PHACTR3: variants seen among roughly 807,000 people sequenced by gnomAD.
The protein encoded by PHACTR3 is protein phosphatase 1, regulatory subunit 123.
Under a neutral mutation model 66.8 loss-of-function variants are expected in PHACTR3, and 16 were observed. The observed-to-expected ratio is 0.24, with a 90% CI of 0.16 to 0.36. PHACTR3 has a LOEUF of 0.36. PHACTR3 is among the 10% of genes least tolerant of loss of function. The pLI is 1.00. For missense variants in PHACTR3, 647 were observed against 719.9 expected, an observed-to-expected ratio of 0.90 and a Z score of 1.16; for synonymous variants, 323 against 292.1, an observed-to-expected ratio of 1.11 and a Z score of -1.08.
At chr20:59,781,512 C>T (rs559466158) in intron 7 of PHACTR3, among the ~76,000 whole-genome samples, 15 of 152,278 alleles carry the variant, frequency 9.9e-5, no homozygotes, top group African/African-American at 2.2e-4. Context: ...GTCCTGGGGG[C>T]GGATGAGACA....
At position 59,820,142 on chromosome 20, in the gene PHACTR3, T is replaced by A. The variant is rs1371843853; in HGVS notation, c.1328+13948T>A. 6.6e-6 allele frequency among the ~76,000 whole-genome samples: 1 copy of A among 152,208 alleles called. No individual in the cohort carries two copies. The highest frequency in any genetic ancestry group is 6.5e-5 in the Admixed American group (1 of 15,288). ...GAGCTCTTGGCGTGGCACCACCTCC[T>A]GCTTCACCACTGTGGTGAGGGGTCT... On this transcript the variant is annotated intron_variant, in intron 8 of 12. Transcript: ENST00000371015. This position sits in a 1 kb window ranked among gnomAD's most constrained non-coding sequence, Gnocchi z 4.6.
At chr20:59,585,019 T>TACA (rs1195732184) in intron 1 of PHACTR3, among the ~76,000 whole-genome samples, 10 of 152,002 alleles carry the variant, frequency 6.6e-5, no homozygotes, top group African/African-American at 2.4e-4. Flanking sequence ...CATATACATA[T>TACA]TAGGGGGAGT....
At chr20:59,675,056 CTCCTTT>C (rs1190915312) in intron 1 of PHACTR3, among the ~76,000 whole-genome samples, 2 of 122,388 alleles carry the variant, frequency 1.6e-5, no homozygotes, top group African/African-American at 6.6e-5. Context: ...CTCCCTGTTC[CTCCTTT>C]TCCCCCTCTC....
chr20:59,673,741 G>C (rs73140881), intron 1 of PHACTR3, among the ~76,000 whole-genome samples: 18,228 of 152,214 alleles, frequency 0.12, 1,418 homozygotes, highest in Non-Finnish European at 0.17. Context: ...GCCCTCGGCT[G>C]TCAGTGCCTC....
intron 11 of PHACTR3, 26 bp downstream of exon 11, chr20:59,841,561 G>C (rs758204316): frequency 3.7e-6 from 6 of 1,604,836 alleles, no homozygotes; most frequent in Non-Finnish European, 5.1e-6. Context: ...TGCTGGTGGG[G>C]GGTGTTGGAT....
At chr20:59,699,148 G>A (rs907511915) in intron 1 of PHACTR3, among the ~76,000 whole-genome samples, 9 of 152,160 alleles carry the variant, frequency 5.9e-5, no homozygotes, top group Non-Finnish European at 1.3e-4. Flanking sequence ...AGAAAAGGAC[G>A]TAAGTGCAGA....
intron 1 of PHACTR3, among the ~76,000 whole-genome samples, chr20:59,638,334 G>T (rs1234413270): frequency 3.3e-5 from 5 of 152,196 alleles, no homozygotes; most frequent in African/African-American, 1.2e-4. Flanking sequence ...ATACACAGTA[G>T]AGTCTCCATA....
chr20:59,730,901 GC>G (rs912503748), intron 1 of PHACTR3, among the ~76,000 whole-genome samples: 2 of 152,094 alleles, frequency 1.3e-5, no homozygotes, highest in African/African-American at 4.8e-5. Flanking sequence ...TTATTATTTG[GC>G]CCCTTACAGA....
chr20:59,577,709 C>A, intron 1 of PHACTR3: 1 of 909,348 alleles, frequency 1.1e-6, no homozygotes, highest in Non-Finnish European at 1.4e-6. Context: ...TCCTGAATCC[C>A]TTGCCCTTGG....
intron 1 of PHACTR3, among the ~76,000 whole-genome samples, chr20:59,641,859 AG>A (rs1004107522): frequency 6.6e-6 from 1 of 152,248 alleles, no homozygotes; most frequent in Non-Finnish European, 1.5e-5. Flanking sequence ...TAAATTATGC[AG>A]CAATGATACC....
intron 1 of PHACTR3, among the ~76,000 whole-genome samples, chr20:59,722,846 GTGA>G (rs2146685620): frequency 6.6e-6 from 1 of 151,976 alleles, no homozygotes; most frequent in Admixed American, 6.5e-5. Flanking sequence ...GGGGGTGGTG[GTGA>G]GCACCGCAGC....
chr20:59,775,184 C>T (rs1157428887), intron 7 of PHACTR3, among the ~76,000 whole-genome samples: 1 of 151,982 alleles, frequency 6.6e-6, no homozygotes, highest in African/African-American at 2.4e-5. Flanking sequence ...GAGGCTCAGG[C>T]CAGGAGGAGG....
intron 5 of PHACTR3, among the ~76,000 whole-genome samples, chr20:59,769,489 A>G (rs115257194): frequency 0.018 from 2,691 of 152,274 alleles, 72 homozygotes; most frequent in African/African-American, 0.061. Flanking sequence ...ACAGCCTCAG[A>G]AGGAACCAAC....
At chr20:59,664,004 T>C (rs1316936364) in intron 1 of PHACTR3, among the ~76,000 whole-genome samples, 2 of 152,232 alleles carry the variant, frequency 1.3e-5, no homozygotes, top group Non-Finnish European at 2.9e-5. Context: ...TTTAGCATAA[T>C]TTATTGACAA....
intron 1 of PHACTR3, among the ~76,000 whole-genome samples, chr20:59,619,204 A>G (rs1384472760): frequency 1.3e-5 from 2 of 152,156 alleles, no homozygotes; most frequent in Non-Finnish European, 2.9e-5. Context: ...TGCCTAGGCT[A>G]TCTTATATGC....
At chr20:59,749,564 G>A (rs76303903) in intron 3 of PHACTR3, among the ~76,000 whole-genome samples, 5 of 152,092 alleles carry the variant, frequency 3.3e-5, no homozygotes, top group East Asian at 1.9e-4. Context: ...CTCTGACGGC[G>A]ACATCACACA....
chr20:59,757,612 C>T lies in PHACTR3; in HGVS notation c.541+2248C>T, dbSNP rs147371839. On this transcript the variant is annotated intron_variant, in intron 4 of 12. Transcript: ENST00000371015. ...CCCCCTGGTAGCACAAAAGCAGCGT[C>T]GGTGGTGAAAGGGTGGGGCTCTTGT... Among the ~76,000 whole-genome samples, 790 of 152,158 alleles carry T rather than the reference C, an allele frequency of 5.2e-3. 7 individuals carry two copies. The highest frequency in any genetic ancestry group is 0.018 in the African/African-American group (757 of 41,532).
intron 7 of PHACTR3, among the ~76,000 whole-genome samples, chr20:59,776,870 C>G (rs1433182349): frequency 6.6e-6 from 1 of 152,202 alleles, no homozygotes; most frequent in Admixed American, 6.5e-5. Flanking sequence ...CCTTCCTTCT[C>G]TGATTGAGTG....
At chr20:59,804,731 A>G (rs76307069) in intron 7 of PHACTR3, among the ~76,000 whole-genome samples, 2,974 of 152,344 alleles carry the variant, frequency 0.02, 74 homozygotes, top group African/African-American at 0.058. Context: ...TCTAAAACAC[A>G]TGGCAAACAA....
Sources: allele counts gnomAD v4.1 joint callset (sites outside exome capture counted in the v4.1 genomes callset), GRCh38; gene constraint gnomAD v4.1.1; non-coding constraint Gnocchi (gnomAD v3.1); transcripts MANE v1.5; gene names NCBI Gene and HGNC (gene_info 2026-07-23, HGNC 2026-07-21).